STAT4: variants seen among roughly 807,000 people sequenced by gnomAD.
The protein encoded by STAT4 is signal transducer and activator of transcription 4.
A neutral mutation model predicts 110.5 loss-of-function variants in STAT4; 42 were observed. The ratio of observed to expected loss-of-function variants is 0.38; its 90% CI spans 0.30 to 0.49. STAT4 has a LOEUF of 0.49. Ranked by LOEUF, STAT4 falls within the 20% of genes least tolerant of loss-of-function variation. The probability of loss-of-function intolerance (pLI) is 0.95; values close to 1 mark genes in which losing one functional copy is unlikely to be tolerated. For missense variants in STAT4, 632 were observed against 887.9 expected, an observed-to-expected ratio of 0.71 and a Z score of 3.66; for synonymous variants, 284 against 302.2, an observed-to-expected ratio of 0.94 and a Z score of 0.63.
At chr2:191,114,713 C>T (rs962614411) in intron 3 of STAT4, among the ~76,000 whole-genome samples, 1 of 152,156 alleles carries the variant, frequency 6.6e-6, no homozygotes, top group African/African-American at 2.4e-5. Context: ...ATTTCACTTG[C>T]CATAGGGCTA....
rs1244655296 is a variant in STAT4 at position 191,142,454 on chromosome 2, G to C, written c.273+4159C>G. Among the ~76,000 whole-genome samples, 1 of 152,140 alleles carries C rather than the reference G, an allele frequency of 6.6e-6. No individual in the cohort carries two copies. The highest frequency in any genetic ancestry group is 2.4e-5 in the African/African-American group (1 of 41,436). On this transcript the variant is annotated intron_variant, in intron 3 of 23. Coordinates refer to ENST00000392320, the MANE Select transcript of STAT4 (RefSeq NM_003151.4). This position sits in a 1 kb window ranked among gnomAD's most constrained non-coding sequence, Gnocchi z 4.1. ...GTAGAATATAGATACCAGAGGCTGG[G>C]AAGGGTGGGTGGATGGAGGGAAATG...
chr2:191,069,716 C>T lies in STAT4; in HGVS notation c.521G>A (p.Arg174Lys). The T allele has an allele frequency of 6.2e-7, 1 of 1,609,500 alleles. No individual in the cohort carries two copies. The highest frequency in any genetic ancestry group is 8.5e-7 in the Non-Finnish European group (1 of 1,178,408). ...ACCCATTGTCTGAATTGTTTTATAC[C>T]TGTAGTCAAATTCGTCTTGCAGATC... ...LEDLQDEFDY[R>K]YKTIQTMDQS... Residue 174 changes from arginine to lysine, a missense_variant, in exon 6 of 24, where the codon AGG becomes AAG. Coordinates refer to ENST00000392320, the MANE Select transcript of STAT4 (RefSeq NM_003151.4).
At chr2:191,122,461 C>T (rs1222623743) in intron 3 of STAT4, among the ~76,000 whole-genome samples, 1 of 152,162 alleles carries the variant, frequency 6.6e-6, no homozygotes, top group Non-Finnish European at 1.5e-5. Flanking sequence ...CCTAAATCCA[C>T]ACATCTTAAT....
At chr2:191,038,673 G>A (rs549426727) in intron 16 of STAT4, among the ~76,000 whole-genome samples, 14 of 152,236 alleles carry the variant, frequency 9.2e-5, no homozygotes, top group African/African-American at 3.4e-4. Flanking sequence ...CCAATTTTGG[G>A]TCAGTGTCAC....
Position 191,110,151 on chromosome 2 carries a change from T to A in STAT4, c.274-33826A>T, listed in dbSNP as rs1442696852. Among the ~76,000 whole-genome samples, 1 of 152,178 alleles carries A rather than the reference T, an allele frequency of 6.6e-6. No homozygotes were observed. The highest frequency in any genetic ancestry group is 1.9e-4 in the East Asian group (1 of 5,190). On this transcript the variant is annotated intron_variant, in intron 3 of 23. Transcript: ENST00000392320. This position sits in a 1 kb window ranked among gnomAD's most constrained non-coding sequence, Gnocchi z 4.5. Reference sequence around the variant, plus strand: ...GAGGAAACACTACTTCATGTCCCTATGGAAACATGACCACAAAACCATTCC... The same window carrying A: ...GAGGAAACACTACTTCATGTCCCTAAGGAAACATGACCACAAAACCATTCC...
At position 191,107,077 on chromosome 2, in the gene STAT4, G is replaced by C. The variant is rs1698303590; in HGVS notation, c.274-30752C>G. Among the ~76,000 whole-genome samples, 1 of 152,218 alleles carries C rather than the reference G, an allele frequency of 6.6e-6. No individual in the cohort carries two copies. Among genetic ancestry groups the C allele is most frequent in the Non-Finnish European group, 1.5e-5 (1 of 68,042 alleles). The stretch of plus-strand genomic sequence containing the variant: ...AGTACTCTACACATTAATGTCAGCA[G>C]TAGAAACGTATGGTTGCGTGAAATG... On this transcript the variant is annotated intron_variant, in intron 3 of 23. Transcript: ENST00000392320. This position sits in a 1 kb window ranked among gnomAD's most constrained non-coding sequence, Gnocchi z 4.2.
At chr2:191,151,479 C>G (rs958525754), upstream of STAT4, 8 of 985,446 alleles carry the variant, frequency 8.1e-6, no homozygotes, top group African/African-American at 1.7e-5. The surrounding 1 kb of genome is among the most constrained non-coding windows in gnomAD (Gnocchi z 4.7). Flanking sequence ...CAGCGGGGTC[C>G]GCTCACTCCG....
intron 3 of STAT4, among the ~76,000 whole-genome samples, chr2:191,106,028 G>A (rs763443115): frequency 3.3e-5 from 5 of 152,094 alleles, no homozygotes; most frequent in Non-Finnish European, 5.9e-5. Flanking sequence ...GGGACCTTGC[G>A]GTGGCTTTTC....
intron 14 of STAT4, among the ~76,000 whole-genome samples, chr2:191,048,423 A>C (rs949218276): frequency 1.3e-5 from 2 of 152,146 alleles, no homozygotes; most frequent in Non-Finnish European, 2.9e-5. Flanking sequence ...CTAGAACACT[A>C]TTCAGTCTCA....
rs977855625 is a variant in STAT4, at chr2:191,140,068, G to A, written c.273+6545C>T. Among the ~76,000 whole-genome samples, 5 of 152,038 alleles carry A rather than the reference G, an allele frequency of 3.3e-5. No homozygotes were observed. The highest frequency in any genetic ancestry group is 1.9e-4 in the East Asian group (1 of 5,188). ...AAGCCACATGTAGAAGAATGAAACTGATTTCTCAGCCTATACAAAAATCAA... is the reference window on the plus strand; with the variant it reads ...AAGCCACATGTAGAAGAATGAAACTAATTTCTCAGCCTATACAAAAATCAA... On this transcript the variant is annotated intron_variant, in intron 3 of 23. Coordinates refer to ENST00000392320, the MANE Select transcript of STAT4 (RefSeq NM_003151.4). The surrounding 1 kb of genome is among the most constrained non-coding windows in gnomAD (Gnocchi z 4.4).
Position 191,047,810 on chromosome 2 carries a change from C to T in STAT4, c.1252-6662G>A, listed in dbSNP as rs1266374715. Among the ~76,000 whole-genome samples the T allele has an allele frequency of 2.0e-5, 3 of 152,082 alleles. No homozygotes were observed. In the South Asian group the frequency reaches 6.2e-4, roughly 32 times the overall value. ...CCTCCTGAGTAGCTGGGACTATGGGCGTGCGCCATTATGCCCAGCTAATTT... is the reference window on the plus strand; with the variant it reads ...CCTCCTGAGTAGCTGGGACTATGGGTGTGCGCCATTATGCCCAGCTAATTT... On this transcript the variant is annotated intron_variant, in intron 14 of 23. Coordinates refer to ENST00000392320, the MANE Select transcript of STAT4 (RefSeq NM_003151.4).
chr2:191,097,238 A>G (rs943223325), intron 3 of STAT4, among the ~76,000 whole-genome samples: 1 of 152,218 alleles, frequency 6.6e-6, no homozygotes, highest in African/African-American at 2.4e-5. Context: ...TCAAGCTACC[A>G]AAGACTTTTT....
At chr2:191,036,713 T>G (rs1696055491) in intron 16 of STAT4, among the ~76,000 whole-genome samples, 1 of 152,224 alleles carries the variant, frequency 6.6e-6, no homozygotes, top group Admixed American at 6.5e-5. Flanking sequence ...CTTTCACTCC[T>G]GCTCTGAAGC....
Position 191,033,859 on chromosome 2 carries a change from CA to C in STAT4, c.1715+51del. 6.8e-7 allele frequency: 1 copy of C among 1,469,230 alleles called. No homozygotes were observed. Among genetic ancestry groups the C allele is most frequent in the Non-Finnish European group, 9.3e-7 (1 of 1,078,428 alleles). 91.0% of individuals were successfully genotyped at this position (1,469,230 alleles called of 1,614,324 possible). On this transcript the variant is annotated intron_variant, in intron 19 of 23. Transcript: ENST00000392320. The surrounding 1 kb of genome is among the most constrained non-coding windows in gnomAD (Gnocchi z 6.9). ...AAAGAAAGAAGAAAACCAATAACAA[CA>C]GAAAAAAAGAACATAATTAACTCAT... is the stretch of plus-strand genomic sequence containing the variant.
intron 3 of STAT4, among the ~76,000 whole-genome samples, chr2:191,105,770 T>C (rs1009949598): frequency 7.9e-5 from 12 of 152,222 alleles, no homozygotes; most frequent in Non-Finnish European, 1.3e-4. Context: ...AAATGCATGG[T>C]ACTGAATTAT....
intron 3 of STAT4, among the ~76,000 whole-genome samples, chr2:191,133,470 G>A (rs1351476013): frequency 6.6e-6 from 1 of 150,974 alleles, no homozygotes; most frequent in Non-Finnish European, 1.5e-5. Context: ...GTGTGGGTGG[G>A]TGGGGGCAGG....
intron 3 of STAT4, among the ~76,000 whole-genome samples, chr2:191,108,133 A>G (rs577743033): frequency 7.2e-5 from 11 of 152,182 alleles, no homozygotes; most frequent in East Asian, 1.9e-4. Context: ...TCTACTAAAA[A>G]TAGAAAAATT....
chr2:191,101,971 C>A (rs559565574), intron 3 of STAT4, among the ~76,000 whole-genome samples: 1 of 147,316 alleles, frequency 6.8e-6, no homozygotes, highest in Non-Finnish European at 1.5e-5. Flanking sequence ...ACCATATTTT[C>A]TTTTTGTCTT....
chr2:191,108,461 T>C (rs1331914437), intron 3 of STAT4, among the ~76,000 whole-genome samples: 1 of 152,134 alleles, frequency 6.6e-6, no homozygotes, highest in East Asian at 1.9e-4. Context: ...GCACATATGA[T>C]GCGTTGAGAA....
Sources: gnomAD v4.1 joint callset for allele counts (sites outside exome capture counted in the v4.1 genomes callset) on GRCh38, gnomAD v4.1.1 for gene constraint, Gnocchi (gnomAD v3.1) non-coding constraint, MANE v1.5 for transcripts, NCBI Gene and HGNC (gene_info 2026-07-23, HGNC 2026-07-21) for gene names.